Variants in GRIP2 observed in about 807,000 individuals in gnomAD.
GRIP2 encodes glutamate receptor-interacting protein 2.
Under a neutral mutation model 108.3 loss-of-function variants are expected in GRIP2, and 58 were observed. The observed-to-expected ratio is 0.54, with a 90% CI of 0.43 to 0.67. The LOEUF is 0.67. Among genes scored for constraint, GRIP2 ranks in the 30% least tolerant of loss-of-function variants. The probability of loss-of-function intolerance (pLI) is 0.00; values close to 1 mark genes in which losing one functional copy is unlikely to be tolerated. For synonymous variants in GRIP2, 586 were observed against 598.2 expected (o/e 0.98, Z 0.30); for missense variants, 1,278 against 1,430.6 (o/e 0.89, Z 1.72).
At chr3:14,581,101 CAGAT>C in the GRIP2 span, among the ~76,000 whole-genome samples, 8 of 152,154 alleles carry the variant, frequency 5.3e-5, no homozygotes, top group Non-Finnish European at 7.4e-5. Context: ...AGATGATAGA[CAGAT>C]GGATGGGCGG....
At position 14,493,550 on chromosome 3, in the gene GRIP2, A is replaced by C; in HGVS notation, c.*115T>G. The C allele has an allele frequency of 8.2e-7, 1 of 1,225,010 alleles. No individual in the cohort carries two copies. The highest frequency in any genetic ancestry group is 1.1e-6 in the Non-Finnish European group (1 of 898,198). The allele number at this position is 1,225,010 out of a possible 1,614,324, so 75.9% of individuals were successfully genotyped here. On this transcript the variant is annotated 3_prime_UTR_variant, in exon 24 of 24. Transcript: ENST00000621039. ...AGACCAAGCATCATCCCAGGCTCAG[A>C]GTCTGCCAGACCAACAGATGAATGA...
chr3:14,517,832 G>A lies in GRIP2; in HGVS notation c.1096C>T (p.Arg366Trp), dbSNP rs763492690. The change falls in exon 10 of 24, where the codon CGG becomes TGG. Residue 366 changes from arginine to tryptophan, a missense_variant. Arg to Trp is a moderately radical substitution (Grantham distance 101). Transcript: ENST00000621039. ...DPCVPSCHSP[R>W]PGHCRMPTWA... ...GTGGGCATCCTGCAGTGGCCGGGCC[G>A]GGGGCTGTGGCAGGAGGGCACGCAG... 3.1e-5 allele frequency: 49 copies of A among 1,603,590 alleles called. No homozygotes were observed. The highest frequency in any genetic ancestry group is 5.3e-5 in the African/African-American group (4 of 74,774).
chr3:14,511,338 G>C lies in GRIP2; in HGVS notation c.1788-28C>G, dbSNP rs185372761. ...GCATGAGTCGGGGGCAGAGGGGATG[G>C]AAGGAGCCTGGTGCATGCAGGTGCC... On this transcript the variant is annotated intron_variant, in intron 15 of 23. Transcript: ENST00000621039. The surrounding 1 kb of genome is among the most constrained non-coding windows in gnomAD (Gnocchi z 4.1). 6.2e-7 allele frequency: 1 copy of C among 1,614,000 alleles called. No individual in the cohort carries two copies. Among genetic ancestry groups the C allele is most frequent in the Non-Finnish European group, 8.5e-7 (1 of 1,179,876 alleles).
chr3:14,536,328 T>A (rs1694832715), intron 1 of GRIP2, among the ~76,000 whole-genome samples: 1 of 152,192 alleles, frequency 6.6e-6, no homozygotes, highest in Non-Finnish European at 1.5e-5. Flanking sequence ...GAGAAGCCAC[T>A]GAGCTGGTGA....
the GRIP2 span, among the ~76,000 whole-genome samples, chr3:14,598,542 G>C: frequency 2.0e-5 from 3 of 152,002 alleles, no homozygotes; most frequent in Non-Finnish European, 4.4e-5. Context: ...TACTCATGCT[G>C]TTTCTCTGCC....
chr3:14,505,150 G>A lies in GRIP2; in HGVS notation c.2573+465C>T, dbSNP rs1250696864. 6.6e-6 allele frequency among the ~76,000 whole-genome samples: 1 copy of A among 152,192 alleles called. No individual in the cohort carries two copies. Among genetic ancestry groups the A allele is most frequent in the Non-Finnish European group, 1.5e-5 (1 of 68,032 alleles). Reference sequence around the variant, plus strand: ...CCTGATCAAAAGCACCACGATGGGAGGGTGGCCTGGGCCAGATGAGGAACA... The same window carrying A: ...CCTGATCAAAAGCACCACGATGGGAAGGTGGCCTGGGCCAGATGAGGAACA... On this transcript the variant is annotated intron_variant, in intron 20 of 23. Coordinates refer to ENST00000621039, the MANE Select transcript of GRIP2 (RefSeq NM_001080423.4). This position sits in a 1 kb window ranked among gnomAD's most constrained non-coding sequence, Gnocchi z 4.2.
At chr3:14,513,002 G>A in intron 13 of GRIP2, 145 bp from the exon 14 acceptor site, 2 of 702,234 alleles carry the variant, frequency 2.8e-6, no homozygotes, top group South Asian at 3.5e-5. Context: ...CTCAACAGAG[G>A]AGGAAACTGA....
the GRIP2 span, among the ~76,000 whole-genome samples, chr3:14,587,542 G>A: frequency 6.6e-6 from 1 of 151,960 alleles, no homozygotes; most frequent in Non-Finnish European, 1.5e-5. Context: ...GGGAGGCTGA[G>A]GCAGGAGAAT....
rs1694270608 is a variant in GRIP2, at chr3:14,517,146, G to A, written c.1224C>T (p.Thr408=). ...NHAFSCNNPS[T]LPRGSQPMSP... is the part of the protein sequence containing the mutation. ...TCATGGGCTGGGATCCACGGGGAAG[G>A]GTGCTGGGGTTGTTGCAGGAAAAGG... Residue 408 remains threonine (T), a synonymous_variant, in exon 11 of 24, where the codon ACC becomes ACT. Coordinates refer to ENST00000621039, the MANE Select transcript of GRIP2 (RefSeq NM_001080423.4). 14 of 1,610,010 alleles carry A rather than the reference G, an allele frequency of 8.7e-6. No individual in the cohort carries two copies. Among genetic ancestry groups the A allele is most frequent in the Non-Finnish European group, 1.1e-5 (13 of 1,178,618 alleles).
chr3:14,524,035 C>T lies in GRIP2; in HGVS notation c.404-337G>A, dbSNP rs1170098273. 5.3e-5 allele frequency: 25 copies of T among 475,120 alleles called. 1 individual carries two copies. Among genetic ancestry groups the T allele is most frequent in the Non-Finnish European group, 7.9e-5 (21 of 264,910 alleles). The allele number at this position is 475,120 out of a possible 1,614,324, so 29.4% of individuals were successfully genotyped here. ...GACTTTAGACCAGCTTTGAAAATCCCAAGCTAGGTGAAACCCTACACCACC... is the reference window on the plus strand; with the variant it reads ...GACTTTAGACCAGCTTTGAAAATCCTAAGCTAGGTGAAACCCTACACCACC... On this transcript the variant is annotated intron_variant, in intron 4 of 23. Coordinates refer to ENST00000621039, the MANE Select transcript of GRIP2 (RefSeq NM_001080423.4).
At chr3:14,500,082 A>C (rs1253399602) in intron 21 of GRIP2, among the ~76,000 whole-genome samples, 3 of 152,222 alleles carry the variant, frequency 2.0e-5, no homozygotes, top group African/African-American at 4.8e-5. Flanking sequence ...AAAACAAAAC[A>C]AAACAAAATT....
At position 14,507,634 on chromosome 3, in the gene GRIP2, C is replaced by A; in HGVS notation, c.2145G>T (p.Pro715=). 2 of 1,613,990 alleles carry A rather than the reference C, an allele frequency of 1.2e-6. No homozygotes were observed. Among genetic ancestry groups the A allele is most frequent in the Non-Finnish European group, 1.7e-6 (2 of 1,179,872 alleles). Residue 715 remains proline, a synonymous_variant, in exon 18 of 24, where the codon CCG becomes CCT. Coordinates refer to ENST00000621039, the MANE Select transcript of GRIP2 (RefSeq NM_001080423.4). This position sits in a 1 kb window ranked among gnomAD's most constrained non-coding sequence, Gnocchi z 4.6. The part of the protein sequence containing the change: ...AINNVSLKGR[P]LSEAIHLLQV... ...GCAGGAGGTGGATGGCCTCGCTCAG[C>A]GGCCGGCCCTTGAGGCTAACGTTGT...
the GRIP2 span, among the ~76,000 whole-genome samples, chr3:14,601,538 G>T: frequency 6.6e-6 from 1 of 152,206 alleles, no homozygotes; most frequent in Non-Finnish European, 1.5e-5. Flanking sequence ...GTCAGGCGAG[G>T]AGTGGAGGGT....
the GRIP2 span, among the ~76,000 whole-genome samples, chr3:14,572,213 A>G: frequency 1.3e-5 from 2 of 151,948 alleles, no homozygotes; most frequent in Admixed American, 6.6e-5. Flanking sequence ...AAGTCCAACC[A>G]TGGTAGAAGA....
the GRIP2 span, among the ~76,000 whole-genome samples, chr3:14,572,536 C>T: frequency 0.011 from 1,411 of 127,566 alleles, 15 homozygotes; most frequent in South Asian, 0.047. Context: ...GGCGTGAACC[C>T]GGGAGGCGGA....
chr3:14,494,877 C>G lies in GRIP2; in HGVS notation c.2936G>C (p.Arg979Pro). Residue 979 changes from arginine (R) to proline (P), a missense_variant, in exon 23 of 24, where the codon CGT becomes CCT. Coordinates refer to ENST00000621039, the MANE Select transcript of GRIP2 (RefSeq NM_001080423.4). Reference sequence around the variant, plus strand: ...CCTGTCGAAGGGCTGGAGGCCTCCACGGTGGGCTGGCCCATCAGGGCGCAC... The same window carrying G: ...CCTGTCGAAGGGCTGGAGGCCTCCAGGGTGGGCTGGCCCATCAGGGCGCAC... Reference protein sequence around the residue: ...HTVRPDGPAHRGGLQPFDRVL... With the variant: ...HTVRPDGPAHPGGLQPFDRVL... The G allele has an allele frequency of 6.2e-7, 1 of 1,613,820 alleles. No individual in the cohort carries two copies. Among genetic ancestry groups the G allele is most frequent in the South Asian group, 1.1e-5 (1 of 91,076 alleles).
chr3:14,602,990 G>C, the GRIP2 span, among the ~76,000 whole-genome samples: 1 of 147,232 alleles, frequency 6.8e-6, no homozygotes, highest in Admixed American at 6.7e-5. This position sits in a 1 kb window ranked among gnomAD's most constrained non-coding sequence, Gnocchi z 4.7. Context: ...CATCCCCGCG[G>C]CCGCCCTGCG....
chr3:14,520,032 C>T (rs1386785026), intron 9 of GRIP2, 78 bp downstream of exon 9: 2 of 1,382,628 alleles, frequency 1.4e-6, no homozygotes, highest in East Asian at 5.0e-5. Flanking sequence ...TCCCAGCCTG[C>T]CCAGGGCTCT....
intron 20 of GRIP2, among the ~76,000 whole-genome samples, chr3:14,504,993 G>A (rs1693878648): frequency 6.6e-6 from 1 of 152,206 alleles, no homozygotes; most frequent in Non-Finnish European, 1.5e-5. Context: ...CCAGGAGGGA[G>A]GGAGGAATCC....
Sources: gnomAD v4.1 joint callset for allele counts (sites outside exome capture counted in the v4.1 genomes callset) on GRCh38, gnomAD v4.1.1 for gene constraint, Gnocchi (gnomAD v3.1) non-coding constraint, MANE v1.5 for transcripts, NCBI Gene and HGNC (gene_info 2026-07-23, HGNC 2026-07-21) for gene names.